The following SUPT3H variants were observed in gnomAD, a reference collection of about 807,000 sequenced individuals.
SUPT3H encodes SPT3 homolog, SAGA and STAGA complex component, also known as transcription initiation protein SPT3 homolog.
A neutral mutation model predicts 44.3 loss-of-function variants in SUPT3H; 44 were observed. That is an observed-to-expected ratio of 0.99 (90% CI 0.78 to 1.28). The LOEUF (loss-of-function observed/expected upper bound fraction) is 1.28, where lower values mean the gene tolerates loss of function less well. Ranked by LOEUF, SUPT3H falls within the 50% of genes most tolerant of loss-of-function variation. The pLI, the probability that SUPT3H is intolerant of heterozygous loss-of-function variation, is 0.00. For synonymous variants in SUPT3H, 124 were observed against 125.6 expected (o/e 0.99, Z 0.09); for missense variants, 380 against 387.1 (o/e 0.98, Z 0.15).
intron 2 of SUPT3H, among the ~76,000 whole-genome samples, chr6:45,283,640 G>C (rs1157923109): frequency 6.6e-6 from 1 of 151,910 alleles, no homozygotes; most frequent in Non-Finnish European, 1.5e-5. Flanking sequence ...AATAATGGGA[G>C]ACTTTAACAC....
intron 9 of SUPT3H, among the ~76,000 whole-genome samples, chr6:44,944,565 C>G (rs929991978): frequency 6.6e-6 from 1 of 151,270 alleles, no homozygotes; most frequent in Non-Finnish European, 1.5e-5. Context: ...TTGAGAATAG[C>G]TTGGGCAACA....
intron 2 of SUPT3H, among the ~76,000 whole-genome samples, chr6:45,281,431 A>G (rs1169275504): frequency 2.0e-5 from 3 of 152,234 alleles, no homozygotes; most frequent in Admixed American, 2.0e-4. Flanking sequence ...CAAATGGCAC[A>G]CCAGGAGATT....
intron 3 of SUPT3H, chr6:45,098,972 G>C (rs1453003145): frequency 6.9e-6 from 3 of 434,712 alleles, no homozygotes; most frequent in Non-Finnish European, 1.4e-5. Context: ...CAGACTCTGG[G>C]ATCCAGCTAC....
intron 10 of SUPT3H, among the ~76,000 whole-genome samples, chr6:44,897,154 T>C (rs1018910994): frequency 1.1e-4 from 17 of 152,184 alleles, no homozygotes; most frequent in Non-Finnish European, 2.2e-4. Context: ...GATTAGTTAG[T>C]GTGGGCTTTG....
At chr6:44,847,612 T>G (rs376624933) in intron 10 of SUPT3H, among the ~76,000 whole-genome samples, 1 of 151,918 alleles carries the variant, frequency 6.6e-6, no homozygotes, top group Non-Finnish European at 1.5e-5. Flanking sequence ...CTCAGCCTTC[T>G]GAGTAGCTGG....
rs1793906657 is a variant in SUPT3H at position 45,068,938 on chromosome 6, AT to A, written c.186+36983del. Reference sequence around the variant, plus strand: ...ATTATAAAACCCCCTTAAACATTCTATTAAAAAACAAAATGCTTGCTTGTGG... The same window carrying A: ...ATTATAAAACCCCCTTAAACATTCTATAAAAAACAAAATGCTTGCTTGTGG... On this transcript the variant is annotated intron_variant, in intron 3 of 10. Transcript: ENST00000371459. Among the ~76,000 whole-genome samples the A allele has an allele frequency of 2.6e-5, 4 of 151,898 alleles. No individual in the cohort carries two copies. The South Asian group carries it at 6.3e-4, about 24-fold the overall frequency.
intron 2 of SUPT3H, among the ~76,000 whole-genome samples, chr6:45,226,632 C>T (rs113736055): frequency 0.012 from 1,821 of 152,192 alleles, 41 homozygotes; most frequent in African/African-American, 0.042. Flanking sequence ...CTCCGCATCC[C>T]GGGTTCAAGC....
At chr6:45,156,026 A>G (rs1275405222) in intron 2 of SUPT3H, among the ~76,000 whole-genome samples, 1 of 152,148 alleles carries the variant, frequency 6.6e-6, no homozygotes, top group East Asian at 1.9e-4. Flanking sequence ...TATGTTTATA[A>G]TTTCTCAACA....
chr6:45,240,346 C>T (rs189801535), intron 2 of SUPT3H, among the ~76,000 whole-genome samples: 4 of 152,254 alleles, frequency 2.6e-5, no homozygotes, highest in Admixed American at 2.0e-4. Context: ...CGTGAGTATT[C>T]CTTCAACAAC....
chr6:45,114,190 CTCAA>C (rs1800504293), intron 2 of SUPT3H, among the ~76,000 whole-genome samples: 1 of 152,034 alleles, frequency 6.6e-6, no homozygotes, highest in Non-Finnish European at 1.5e-5. Context: ...GTATTAATCA[CTCAA>C]TCAACAAATA....
In SUPT3H at chr6:45,150,863, C is replaced by T. The variant is rs1413968029; in HGVS notation, c.102-44857G>A. Among the ~76,000 whole-genome samples, 3 of 151,828 alleles carry T rather than the reference C, an allele frequency of 2.0e-5. No homozygotes were observed. The East Asian group carries it at 5.9e-4, about 30-fold the overall frequency. On this transcript the variant is annotated intron_variant, in intron 2 of 10. Coordinates refer to ENST00000371459, the MANE Select transcript of SUPT3H (RefSeq NM_003599.4). ...TCAGCTTCCCAAGTAGCTGGGACTACAGGCGTGCGCCACCATGCCCGGCTA... is the reference window on the plus strand; with the variant it reads ...TCAGCTTCCCAAGTAGCTGGGACTATAGGCGTGCGCCACCATGCCCGGCTA...
At chr6:45,025,970 T>C (rs111374865) in intron 3 of SUPT3H, among the ~76,000 whole-genome samples, 22 of 152,330 alleles carry the variant, frequency 1.4e-4, no homozygotes, top group African/African-American at 5.1e-4. Context: ...GAGACTTCCA[T>C]TGCAGCTCTT....
intron 6 of SUPT3H, among the ~76,000 whole-genome samples, chr6:44,969,571 A>G (rs901893025): frequency 2.0e-5 from 3 of 152,212 alleles, no homozygotes; most frequent in Non-Finnish European, 2.9e-5. Flanking sequence ...ACAGAGAAAC[A>G]GCAGAGGCTT....
intron 10 of SUPT3H, among the ~76,000 whole-genome samples, chr6:44,917,023 A>G (rs934235268): frequency 7.9e-5 from 12 of 151,900 alleles, no homozygotes; most frequent in Admixed American, 2.0e-4. Flanking sequence ...GCATGACAGT[A>G]TACGTCTGTA....
rs1474494728 is a variant in SUPT3H at position 44,928,886 on chromosome 6, A to AT, written c.912+3766_912+3767insA. ...CGACAGAACGAGACTCCGTCTCAAA[A>AT]AAAAAAAAAAAAAAAAAAGAAAAGA... On this transcript the variant is annotated intron_variant, in intron 10 of 10. Transcript: ENST00000371459. Among the ~76,000 whole-genome samples the AT allele has an allele frequency of 9.9e-4, 122 of 122,626 alleles. 2 individuals carry two copies. The highest frequency in any genetic ancestry group is 2.6e-3 in the African/African-American group (81 of 31,034). 80.4% of individuals were successfully genotyped at this position (122,626 alleles called of 152,430 possible). A position where few individuals can be genotyped will look rare whatever the true frequency, so the allele number is the denominator to read the frequency against.
intron 10 of SUPT3H, among the ~76,000 whole-genome samples, chr6:44,902,163 A>G (rs1400296788): frequency 2.6e-5 from 4 of 152,230 alleles, no homozygotes; most frequent in Non-Finnish European, 4.4e-5. Context: ...GATGAAATTC[A>G]CACATAACAA....
intron 3 of SUPT3H, among the ~76,000 whole-genome samples, chr6:45,041,272 A>G (rs1788493786): frequency 6.6e-6 from 1 of 152,222 alleles, no homozygotes; most frequent in South Asian, 2.1e-4. Flanking sequence ...TACATTAGAC[A>G]ATGATGTCAA....
intron 3 of SUPT3H, among the ~76,000 whole-genome samples, chr6:45,021,529 T>C (rs1284326592): frequency 6.6e-6 from 1 of 151,912 alleles, no homozygotes; most frequent in Non-Finnish European, 1.5e-5. Context: ...TCTTCCAAAT[T>C]TGATCAAATC....
intron 10 of SUPT3H, among the ~76,000 whole-genome samples, chr6:44,893,984 AT>A (rs1763719911): frequency 7.1e-6 from 1 of 140,756 alleles, no homozygotes; most frequent in South Asian, 2.4e-4. Flanking sequence ...GATGGTGAGC[AT>A]TTTTTCATGT....
Sources: allele counts gnomAD v4.1 joint callset (sites outside exome capture counted in the v4.1 genomes callset), GRCh38; gene constraint gnomAD v4.1.1; transcripts MANE v1.5; gene names NCBI Gene and HGNC (gene_info 2026-07-23, HGNC 2026-07-21).